The following DUSP16 variants were observed in gnomAD, a reference collection of about 807,000 sequenced individuals.
The protein encoded by DUSP16 is dual specificity phosphatase 16.
A neutral mutation model predicts 58.3 loss-of-function variants in DUSP16; 21 were observed. The ratio of observed to expected loss-of-function variants is 0.36; its 90% confidence interval spans 0.26 to 0.52. The LOEUF (loss-of-function observed/expected upper bound fraction) is 0.52, where lower values mean the gene tolerates loss of function less well. Among genes scored for constraint, DUSP16 ranks in the 20% least tolerant of loss-of-function variants. DUSP16 has a pLI of 0.94. For missense variants in DUSP16, 726 were observed against 819.0 expected, an observed-to-expected ratio of 0.89 and a Z score of 1.39; for synonymous variants, 320 against 323.8, an observed-to-expected ratio of 0.99 and a Z score of 0.12.
At chr12:12,546,809 A>G (rs535999263) in intron 1 of DUSP16, among the ~76,000 whole-genome samples, 20 of 152,334 alleles carry the variant, frequency 1.3e-4, no homozygotes, top group Admixed American at 4.6e-4. Flanking sequence ...CCATATGGCA[A>G]TAATATATAA....
chr12:12,520,740 G>T, intron 2 of DUSP16, 131 bp downstream of exon 2: 2 of 957,082 alleles, frequency 2.1e-6, no homozygotes, highest in Non-Finnish European at 3.1e-6. Flanking sequence ...GTACCACAAG[G>T]CACCAAAATT....
intron 4 of DUSP16, among the ~76,000 whole-genome samples, chr12:12,493,738 C>T (rs1943792655): frequency 6.6e-6 from 1 of 152,118 alleles, no homozygotes; most frequent in South Asian, 2.1e-4. Context: ...ACTCTTTGAC[C>T]TCCTTTGAGT....
intron 1 of DUSP16, among the ~76,000 whole-genome samples, chr12:12,540,976 G>A (rs1405863300): frequency 4.6e-5 from 4 of 86,552 alleles, no homozygotes; most frequent in Non-Finnish European, 6.4e-5. Context: ...TTTTTTTTGA[G>A]CCAGGAGTCT....
At chr12:12,516,038 A>C (rs924017671) in intron 3 of DUSP16, among the ~76,000 whole-genome samples, 1 of 151,886 alleles carries the variant, frequency 6.6e-6, no homozygotes, top group Admixed American at 6.6e-5. Context: ...GGCCTCCCAA[A>C]GTTCTGGGAT....
intron 3 of DUSP16, among the ~76,000 whole-genome samples, chr12:12,517,108 G>A (rs936878970): frequency 2.6e-4 from 40 of 152,196 alleles, no homozygotes; most frequent in African/African-American, 8.4e-4. Context: ...TCATTCTTCC[G>A]TGGGTAAGGT....
At position 12,511,894 on chromosome 12, in the gene DUSP16, T is replaced by A. The variant is rs1327585652; in HGVS notation, c.367+7968A>T. On this transcript the variant is annotated intron_variant, in intron 3 of 6. Transcript: ENST00000298573. ...CTCTAGACTACACAGCTGCCCCACC[T>A]GGGGCAAGGGAAGATTGATGTCACT... is the stretch of plus-strand genomic sequence containing the variant. 2.0e-5 allele frequency among the ~76,000 whole-genome samples: 3 copies of A among 152,182 alleles called. No individual in the cohort carries two copies. In the South Asian group the frequency reaches 6.2e-4, roughly 32 times the overall value.
chr12:12,494,584 G>A (rs1216541589), intron 4 of DUSP16, among the ~76,000 whole-genome samples: 1 of 152,142 alleles, frequency 6.6e-6, no homozygotes, highest in Non-Finnish European at 1.5e-5. Flanking sequence ...TATTTATAAT[G>A]GGAACTAAAA....
At chr12:12,515,049 T>C (rs568347485) in intron 3 of DUSP16, among the ~76,000 whole-genome samples, 1 of 152,220 alleles carries the variant, frequency 6.6e-6, no homozygotes, top group African/African-American at 2.4e-5. Flanking sequence ...GTTCAAAATA[T>C]AGTTTATCAG....
In DUSP16 at chr12:12,475,760, T is replaced by A. The variant is rs1279455711; in HGVS notation, c.*1073A>T. On this transcript the variant is annotated 3_prime_UTR_variant, in exon 7 of 7. Coordinates refer to ENST00000298573, the MANE Select transcript of DUSP16 (RefSeq NM_030640.3). The stretch of plus-strand genomic sequence containing the variant: ...ATTTACCTCCCTAGGAAGTTTCCTA[T>A]AAAATTCTGCCATATTATTACATTT... 6.6e-6 allele frequency: 1 copy of A among 152,210 alleles called. No homozygotes were observed. Among genetic ancestry groups the A allele is most frequent in the African/African-American group, 2.4e-5 (1 of 41,448 alleles). The allele number at this position is 152,210 out of a possible 1,614,324, so 9.4% of individuals were successfully genotyped here. A position where few individuals can be genotyped will look rare whatever the true frequency, so the allele number is the denominator to read the frequency against.
Position 12,477,140 on chromosome 12 carries a change from G to A in DUSP16, c.1691C>T (p.Ser564Leu). The A allele has an allele frequency of 6.2e-7, 1 of 1,614,220 alleles. No homozygotes were observed. Among genetic ancestry groups the A allele is most frequent in the Non-Finnish European group, 8.5e-7 (1 of 1,180,042 alleles). Residue 564 changes from serine (S) to leucine (L), a missense_variant, in exon 7 of 7, where the codon TCA (serine) becomes TTA (leucine). Physicochemically the swap from Ser to Leu is moderately radical, Grantham distance 145 (BLOSUM62 -2). Coordinates refer to ENST00000298573, the MANE Select transcript of DUSP16 (RefSeq NM_030640.3). This position sits in a 1 kb window ranked among gnomAD's most constrained non-coding sequence, Gnocchi z 4.1. ...GATGGCTGAGGCAGAGTAGAAGTGT[G>A]AGGACTCTGTGGCAAAATACCAGCT... is the stretch of plus-strand genomic sequence containing the variant. The part of the protein sequence containing the change: ...TSSWYFATES[S>L]HFYSASAIYG...
At chr12:12,505,781 G>A (rs919766746) in intron 3 of DUSP16, among the ~76,000 whole-genome samples, 2 of 152,140 alleles carry the variant, frequency 1.3e-5, no homozygotes, top group African/African-American at 4.8e-5. Flanking sequence ...CAAAACAAAA[G>A]AGCCAAACAA....
At chr12:12,555,607 G>A (rs985221395) in intron 1 of DUSP16, among the ~76,000 whole-genome samples, 1 of 151,820 alleles carries the variant, frequency 6.6e-6, no homozygotes, top group Non-Finnish European at 1.5e-5. Flanking sequence ...TTCTATAAAC[G>A]CAATTTGCCC....
intron 3 of DUSP16, chr12:12,506,244 G>GTAAGT (rs1943995535): frequency 1.3e-5 from 2 of 152,058 alleles, no homozygotes; most frequent in African/African-American, 2.4e-5. Context: ...TCTTCCTTTC[G>GTAAGT]TAAGTTCTCT....
intron 4 of DUSP16, among the ~76,000 whole-genome samples, chr12:12,494,878 C>G (rs1361607133): frequency 6.6e-6 from 1 of 152,174 alleles, no homozygotes; most frequent in Admixed American, 6.5e-5. Flanking sequence ...TTAAAGCAAA[C>G]TCCTAAAGGA....
intron 3 of DUSP16, among the ~76,000 whole-genome samples, chr12:12,505,031 C>G (rs529920866): frequency 6.6e-6 from 1 of 152,266 alleles, no homozygotes; most frequent in Non-Finnish European, 1.5e-5. Flanking sequence ...ATGTACTGAA[C>G]ACTTACTGCG....
chr12:12,528,721 C>T (rs1305308021), intron 1 of DUSP16, among the ~76,000 whole-genome samples: 2 of 152,128 alleles, frequency 1.3e-5, no homozygotes, highest in East Asian at 1.9e-4. Flanking sequence ...TATAAATTAA[C>T]AAGGCAAAAA....
chr12:12,506,753 T>C (rs572172205), intron 3 of DUSP16, among the ~76,000 whole-genome samples: 3 of 152,312 alleles, frequency 2.0e-5, no homozygotes, highest in Middle Eastern at 6.8e-3. Context: ...CAGAGAAGCG[T>C]CTTGGCCTCT....
chr12:12,478,060 C>A lies in DUSP16; in HGVS notation c.816-45G>T, dbSNP rs757536634. On this transcript the variant is annotated intron_variant, in intron 6 of 6. Transcript: ENST00000298573. ...CAAAAACCCGAATTTTACAACTACA[C>A]TTTATCTTAAGAATATTAAGTGAAT... 4 of 1,417,046 alleles carry A rather than the reference C, an allele frequency of 2.8e-6. No individual in the cohort carries two copies. In the South Asian group the frequency reaches 4.1e-5, roughly 14 times the overall value. The allele number at this position is 1,417,046 out of a possible 1,614,324, so 87.8% of individuals were successfully genotyped here.
At chr12:12,561,462 T>A (rs897676769) in intron 1 of DUSP16, among the ~76,000 whole-genome samples, 2 of 152,238 alleles carry the variant, frequency 1.3e-5, no homozygotes, top group Non-Finnish European at 2.9e-5. Context: ...AAACTACACG[T>A]GATACACAGA....
Sources: allele counts gnomAD v4.1 joint callset (sites outside exome capture counted in the v4.1 genomes callset), GRCh38; gene constraint gnomAD v4.1.1; non-coding constraint Gnocchi (gnomAD v3.1); transcripts MANE v1.5; gene names NCBI Gene and HGNC (gene_info 2026-07-23, HGNC 2026-07-21).